AP1S3: variants seen among roughly 807,000 people sequenced by gnomAD.
The protein encoded by AP1S3 is adaptor related protein complex 1 subunit sigma 3.
Under a neutral mutation model 20.9 loss-of-function variants are expected in AP1S3, and 10 were observed. That is an observed-to-expected ratio of 0.48 (90% CI 0.29 to 0.81). The LOEUF is 0.81. AP1S3 is among the 30% of genes least tolerant of loss of function. The pLI is 0.08. For missense variants in AP1S3, 154 were observed against 183.8 expected, an observed-to-expected ratio of 0.84 and a Z score of 0.94; for synonymous variants, 41 against 61.5, an observed-to-expected ratio of 0.67 and a Z score of 1.56.
Position 223,756,035 on chromosome 2 carries a change from T to G in AP1S3, c.*2680A>C. 3.0e-6 allele frequency: 3 copies of G among 985,356 alleles called. No individual in the cohort carries two copies. The highest frequency in any genetic ancestry group is 2.4e-6 in the Non-Finnish European group (2 of 829,922). The allele number at this position is 985,356 out of a possible 1,614,324, so 61.0% of individuals were successfully genotyped here. A position where few individuals can be genotyped will look rare whatever the true frequency, so the allele number is the denominator to read the frequency against. ...TACATGAGGTCCATCTTTACAAAAT[T>G]GTATTGAAAAATAAAGAATTTGGCC... On this transcript the variant is annotated 3_prime_UTR_variant, in exon 5 of 5. Coordinates refer to ENST00000396654, the MANE Select transcript of AP1S3 (RefSeq NM_001039569.2).
In AP1S3 at chr2:223,756,996, T is replaced by C; in HGVS notation, c.*1719A>G. The C allele has an allele frequency of 1.0e-6, 1 of 984,602 alleles. No homozygotes were observed. Among genetic ancestry groups the C allele is most frequent in the Non-Finnish European group, 1.2e-6 (1 of 829,546 alleles). The allele number at this position is 984,602 out of a possible 1,614,324, so 61.0% of individuals were successfully genotyped here. A position where few individuals can be genotyped will look rare whatever the true frequency, so the allele number is the denominator to read the frequency against. ...ACAAGCTTTTACTTTTTCTTTTTTT[T>C]TTTTTTTTTCTTGAGACGCAGTCTT... On this transcript the variant is annotated 3_prime_UTR_variant, in exon 5 of 5. Coordinates refer to ENST00000396654, the MANE Select transcript of AP1S3 (RefSeq NM_001039569.2).
intron 1 of AP1S3, among the ~76,000 whole-genome samples, chr2:223,824,989 A>AG (rs1311853868): frequency 1.3e-5 from 2 of 152,032 alleles, no homozygotes; most frequent in Non-Finnish European, 2.9e-5. Context: ...CTGGGAAGAA[A>AG]GGGTGGAGAT....
chr2:223,833,020 A>G (rs1692313687), intron 1 of AP1S3, among the ~76,000 whole-genome samples: 1 of 152,012 alleles, frequency 6.6e-6, no homozygotes. Context: ...AATTTGCAAC[A>G]CAAAAAGACG....
chr2:223,793,443 G>A (rs1037038812), intron 1 of AP1S3, among the ~76,000 whole-genome samples: 8 of 152,152 alleles, frequency 5.3e-5, no homozygotes, highest in African/African-American at 1.7e-4. Context: ...GGAGCTGGAA[G>A]CCATTATCCT....
intron 1 of AP1S3, among the ~76,000 whole-genome samples, chr2:223,801,841 C>G (rs1024879401): frequency 6.6e-6 from 1 of 152,134 alleles, no homozygotes; most frequent in Admixed American, 6.6e-5. Context: ...AAGGCCTAGG[C>G]TTACAGAGAC....
At position 223,758,016 on chromosome 2, in the gene AP1S3, C is replaced by T. The variant is rs1286954956; in HGVS notation, c.*699G>A. 7 of 973,934 alleles carry T rather than the reference C, an allele frequency of 7.2e-6. No homozygotes were observed. Among genetic ancestry groups the T allele is most frequent in the African/African-American group, 3.5e-5 (2 of 56,890 alleles). The allele number at this position is 973,934 out of a possible 1,614,324, so 60.3% of individuals were successfully genotyped here. On this transcript the variant is annotated 3_prime_UTR_variant, in exon 5 of 5. Transcript: ENST00000396654. Reference sequence around the variant, plus strand: ...AATAAATATATAGTTCATAGAAAACCTTATTGGAATGTCCCTTATATTCAA... The same window carrying T: ...AATAAATATATAGTTCATAGAAAACTTTATTGGAATGTCCCTTATATTCAA...
chr2:223,807,316 A>G (rs1691604338), intron 1 of AP1S3, among the ~76,000 whole-genome samples: 1 of 152,144 alleles, frequency 6.6e-6, no homozygotes. Flanking sequence ...AGCTACTCCA[A>G]TACAGGAAGG....
intron 3 of AP1S3, among the ~76,000 whole-genome samples, chr2:223,772,327 G>A (rs900048349): frequency 6.6e-6 from 1 of 152,062 alleles, no homozygotes; most frequent in Non-Finnish European, 1.5e-5. Flanking sequence ...CCTTGAATTG[G>A]TGAGAGAGTG....
At chr2:223,795,062 C>T (rs970607815) in intron 1 of AP1S3, among the ~76,000 whole-genome samples, 1 of 152,088 alleles carries the variant, frequency 6.6e-6, no homozygotes, top group Non-Finnish European at 1.5e-5. Context: ...CCAGGCTGAC[C>T]AATATGGAGA....
intron 3 of AP1S3, chr2:223,770,333 G>C: frequency 1.3e-6 from 2 of 1,550,404 alleles, no homozygotes; most frequent in Non-Finnish European, 1.7e-6. Flanking sequence ...CTCCTGCAAA[G>C]TGAACCTGAC....
At chr2:223,817,168 C>T (rs1287546566) in intron 1 of AP1S3, among the ~76,000 whole-genome samples, 2 of 152,054 alleles carry the variant, frequency 1.3e-5, no homozygotes, top group Admixed American at 1.3e-4. Flanking sequence ...ATTAGGCCTC[C>T]GTATGAGAGG....
At chr2:223,778,612 G>A (rs914834969) in intron 1 of AP1S3, among the ~76,000 whole-genome samples, 1 of 151,818 alleles carries the variant, frequency 6.6e-6, no homozygotes, top group African/African-American at 2.4e-5. Context: ...GAAACATAAT[G>A]ATAATATAGA....
intron 1 of AP1S3, among the ~76,000 whole-genome samples, chr2:223,796,752 G>A (rs1290886650): frequency 1.3e-5 from 2 of 151,944 alleles, no homozygotes; most frequent in Non-Finnish European, 2.9e-5. Flanking sequence ...CATCCTCCAC[G>A]TCCTAGGTTC....
intron 1 of AP1S3, among the ~76,000 whole-genome samples, chr2:223,801,595 C>G (rs1691466962): frequency 6.6e-6 from 1 of 152,172 alleles, no homozygotes; most frequent in Non-Finnish European, 1.5e-5. Context: ...CAGGCACCCA[C>G]CAACAAGCCT....
chr2:223,771,155 G>A (rs1166892917), intron 3 of AP1S3, among the ~76,000 whole-genome samples: 2 of 151,832 alleles, frequency 1.3e-5, no homozygotes, highest in African/African-American at 4.8e-5. Flanking sequence ...GGGCAACATG[G>A]TGAGACCCTG....
intron 1 of AP1S3, among the ~76,000 whole-genome samples, chr2:223,835,020 G>T (rs968508786): frequency 2.5e-5 from 2 of 81,210 alleles, no homozygotes; most frequent in African/African-American, 4.6e-5. Context: ...TTGTGAGAAT[G>T]AGAATGAAAT....
chr2:223,794,814 C>T (rs529990059), intron 1 of AP1S3, among the ~76,000 whole-genome samples: 3 of 152,284 alleles, frequency 2.0e-5, no homozygotes, highest in South Asian at 2.1e-4. Flanking sequence ...CTCTCCCTTG[C>T]GTCTGAACCC....
At chr2:223,793,867 C>T (rs1485393168) in intron 1 of AP1S3, among the ~76,000 whole-genome samples, 11 of 151,930 alleles carry the variant, frequency 7.2e-5, no homozygotes. Flanking sequence ...TCGTCTCGAA[C>T]TCCTGACCTC....
intron 1 of AP1S3, among the ~76,000 whole-genome samples, chr2:223,824,298 C>T (rs1692064607): frequency 6.6e-6 from 1 of 151,606 alleles, no homozygotes; most frequent in Admixed American, 6.6e-5. Flanking sequence ...CTACTGGGCC[C>T]AGCTATAGAT....
Sources: gnomAD v4.1 joint callset for allele counts (sites outside exome capture counted in the v4.1 genomes callset) on GRCh38, gnomAD v4.1.1 for gene constraint, MANE v1.5 for transcripts, NCBI Gene and HGNC (gene_info 2026-07-23, HGNC 2026-07-21) for gene names.